Variants in CCDC40 observed in about 807,000 individuals in gnomAD.
CCDC40 encodes coiled-coil domain 40 molecular ruler complex subunit, also known as coiled-coil domain-containing protein 40.
CCDC40 carries 104 observed loss-of-function variants against 124.5 expected under a neutral mutation model. The ratio of observed to expected loss-of-function variants is 0.84; its 90% CI spans 0.71 to 0.98. The LOEUF is 0.98. Ranked by LOEUF, CCDC40 falls within the 50% of genes least tolerant of loss-of-function variation. CCDC40 has a pLI of 0.00. For synonymous variants in CCDC40, 580 were observed against 602.9 expected (o/e 0.96, Z 0.56); for missense variants, 1,463 against 1,503.9 (o/e 0.97, Z 0.45).
At chr17:80,049,776 G>A (rs913566724) in intron 5 of CCDC40, 130 bp from the exon 6 acceptor site, 1 of 752,146 alleles carries the variant, frequency 1.3e-6, no homozygotes, top group African/African-American at 1.7e-5. Flanking sequence ...CCAAGCAGAA[G>A]CAGGGAGCAC....
Position 80,057,932 on chromosome 17 carries a change from G to C in CCDC40, c.1160-562G>C, listed in dbSNP as rs145808851. ...GTTTTGTTAAAGGAATCAGTTCCTC[G>C]GGCCTTGGCCTCCTCTGAGAGCACT... On this transcript the variant is annotated intron_variant, in intron 7 of 19. Coordinates refer to ENST00000397545, the MANE Select transcript of CCDC40 (RefSeq NM_017950.4). Among the ~76,000 whole-genome samples, 856 of 151,906 alleles carry C rather than the reference G, an allele frequency of 5.6e-3. 9 individuals are homozygous for C. The highest frequency in any genetic ancestry group is 0.025 in the South Asian group (119 of 4,802).
intron 17 of CCDC40, among the ~76,000 whole-genome samples, chr17:80,091,342 C>CACACAGAG (rs1555594249): frequency 6.9e-5 from 10 of 145,036 alleles, no homozygotes; most frequent in African/African-American, 2.5e-4. Flanking sequence ...CACACACACA[C>CACACAGAG]AGAGAGAGAG....
chr17:80,042,767 T>G (rs1170695491), intron 3 of CCDC40, among the ~76,000 whole-genome samples: 2 of 152,208 alleles, frequency 1.3e-5, no homozygotes, highest in South Asian at 4.1e-4. Flanking sequence ...AGTCTTTGAC[T>G]GTAAAGTGCC....
rs575912364 is a variant in CCDC40 at position 80,082,054 on chromosome 17, A to C, written c.1985A>C (p.Asn662Thr). 1 of 1,612,308 alleles carries C rather than the reference A, an allele frequency of 6.2e-7. No homozygotes were observed. The highest frequency in any genetic ancestry group is 1.3e-5 in the African/African-American group (1 of 74,484). ...LILRLQKEKT[N>T]MMTHLSKING... ...CTGAGGCTGCAGAAGGAGAAGACCA[A>C]CATGGTAGGCCCCTGCCCCAGGGAG... Residue 662 changes from asparagine to threonine, a missense_variant, in exon 12 of 20, where the codon AAC becomes ACC. Coordinates refer to ENST00000397545, the MANE Select transcript of CCDC40 (RefSeq NM_017950.4).
At chr17:80,073,110 C>T (rs1224291158) in intron 10 of CCDC40, among the ~76,000 whole-genome samples, 1 of 152,110 alleles carries the variant, frequency 6.6e-6, no homozygotes, top group Admixed American at 6.6e-5. Flanking sequence ...TCAAGCAATT[C>T]TCCTGCTTCA....
chr17:80,067,701 A>G (rs2038083482), intron 10 of CCDC40: 1 of 1,530,570 alleles, frequency 6.5e-7, no homozygotes, highest in Non-Finnish European at 8.8e-7. Flanking sequence ...AGGATGCTAT[A>G]TAGCCTTTTT....
intron 3 of CCDC40, among the ~76,000 whole-genome samples, chr17:80,041,278 C>T (rs1306677031): frequency 2.0e-5 from 3 of 152,024 alleles, no homozygotes; most frequent in East Asian, 1.9e-4. Context: ...GAGGCCAAGG[C>T]GGGTGGATCA....
intron 9 of CCDC40, among the ~76,000 whole-genome samples, chr17:80,062,759 G>A (rs2037937769): frequency 6.6e-6 from 1 of 152,008 alleles, no homozygotes. Context: ...TTTTTATTAT[G>A]ATTATTCTTT....
chr17:80,095,152 C>A, intron 17 of CCDC40, 111 bp from the exon 18 acceptor site: 1 of 1,006,544 alleles, frequency 9.9e-7, no homozygotes, highest in Non-Finnish European at 1.6e-6. Flanking sequence ...GTTTCCCCGC[C>A]GATCCCCATG....
chr17:80,048,519 A>T, intron 4 of CCDC40, 64 bp from the exon 5 acceptor site: 7 of 1,369,230 alleles, frequency 5.1e-6, no homozygotes, highest in Non-Finnish European at 7.2e-6. Flanking sequence ...TTGATGCCCC[A>T]GAATAGAATC....
At position 80,084,985 on chromosome 17, in the gene CCDC40, G is replaced by A; in HGVS notation, c.2232G>A (p.Leu744=). ...AGCTGGAGCGGATGGTCTCCGAGCT[G>A]GGGGTGAGGTCCCAGGCAGGGAGAC... ...NKQLERMVSE[L]GGEEVGPLEL... is the part of the protein sequence containing the mutation. The change falls in exon 13 of 20, where the codon CTG becomes CTA. Residue 744 remains leucine (L), a synonymous_variant. Transcript: ENST00000397545. 3 of 1,613,482 alleles carry A rather than the reference G, an allele frequency of 1.9e-6. No homozygotes were observed. In the South Asian group the frequency reaches 3.3e-5, roughly 18 times the overall value.
intron 10 of CCDC40, among the ~76,000 whole-genome samples, chr17:80,079,636 G>A (rs918398259): frequency 5.9e-5 from 9 of 151,984 alleles, no homozygotes; most frequent in African/African-American, 2.2e-4. Context: ...AATAGATACT[G>A]GATCACCAGG....
chr17:80,039,270 A>G lies in CCDC40; in HGVS notation c.94-542A>G, dbSNP rs532718229. ...TAGTCCCAGCTACTTGGGAGGCTGA[A>G]GCAGGAGAATCGCTTGAACCCAGGA... On this transcript the variant is annotated intron_variant, in intron 2 of 19. Coordinates refer to ENST00000397545, the MANE Select transcript of CCDC40 (RefSeq NM_017950.4). 4.6e-5 allele frequency among the ~76,000 whole-genome samples: 7 copies of G among 151,860 alleles called. No individual in the cohort carries two copies. In the East Asian group the frequency reaches 9.8e-4, roughly 21 times the overall value.
At chr17:80,089,930 C>T (rs2038667555) in intron 17 of CCDC40, 46 bp downstream of exon 17, 1 of 1,608,770 alleles carries the variant, frequency 6.2e-7, no homozygotes, top group South Asian at 1.1e-5. Context: ...GGTGCCAGCC[C>T]TTGGGCTCTG....
intron 9 of CCDC40, among the ~76,000 whole-genome samples, chr17:80,063,840 AGAGAG>A (rs1186646996): frequency 6.6e-6 from 1 of 152,196 alleles, no homozygotes; most frequent in African/African-American, 2.4e-5. Context: ...GATAGCTAGA[AGAGAG>A]GGTTTTGAAT....
At chr17:80,060,377 C>T (rs2037866092) in intron 9 of CCDC40, among the ~76,000 whole-genome samples, 2 of 150,792 alleles carry the variant, frequency 1.3e-5, no homozygotes, top group Admixed American at 1.3e-4. Context: ...ACCCTGTCTC[C>T]ACAAAAAAAT....
chr17:80,097,900 AAAAAG>A (rs138469377), intron 19 of CCDC40: 9,770 of 162,366 alleles, frequency 0.06, 511 homozygotes, highest in South Asian at 0.11. Flanking sequence ...ATCCTGTCTC[AAAAAG>A]AAAAGAAAAG....
intron 18 of CCDC40, among the ~76,000 whole-genome samples, chr17:80,096,707 C>CCCAG (rs1373989377): frequency 6.6e-6 from 1 of 152,216 alleles, no homozygotes; most frequent in African/African-American, 2.4e-5. Context: ...CTTCCGTGTC[C>CCCAG]CCAGCCAGCC....
rs1266979914 is a variant in CCDC40 at position 80,099,991 on chromosome 17, C to G, written c.*216C>G. The G allele has an allele frequency of 3.4e-6, 2 of 590,878 alleles. No homozygotes were observed. The highest frequency in any genetic ancestry group is 5.8e-5 in the East Asian group (2 of 34,342). The allele number at this position is 590,878 out of a possible 1,614,324, so 36.6% of individuals were successfully genotyped here. ...AAATCCTAGCGTTTCCCATGGCATCCCATCGCAAAGACAGAGCCTGTGACT... is the reference window on the plus strand; with the variant it reads ...AAATCCTAGCGTTTCCCATGGCATCGCATCGCAAAGACAGAGCCTGTGACT... On this transcript the variant is annotated 3_prime_UTR_variant, in exon 20 of 20. Transcript: ENST00000397545.
Sources: allele counts gnomAD v4.1 joint callset (sites outside exome capture counted in the v4.1 genomes callset), GRCh38; gene constraint gnomAD v4.1.1; transcripts MANE v1.5; gene names NCBI Gene and HGNC (gene_info 2026-07-23, HGNC 2026-07-21).